PRPF38A: variants seen among roughly 807,000 people sequenced by gnomAD.
The protein encoded by PRPF38A is pre-mRNA-splicing factor 38A.
In PRPF38A, 11 loss-of-function variants were observed where a neutral mutation model predicts 46.8. The ratio of observed to expected loss-of-function variants is 0.24; its 90% CI spans 0.15 to 0.39. The LOEUF (loss-of-function observed/expected upper bound fraction) is 0.39, where lower values mean the gene tolerates loss of function less well. Ranked by LOEUF, PRPF38A falls within the 10% of genes least tolerant of loss-of-function variation. The probability of loss-of-function intolerance (pLI) is 1.00; values close to 1 mark genes in which losing one functional copy is unlikely to be tolerated. For synonymous variants in PRPF38A, 124 were observed against 136.2 expected (o/e 0.91, Z 0.62); for missense variants, 261 against 407.5 (o/e 0.64, Z 3.10).
At chr1:52,405,575 T>TA in intron 1 of PRPF38A, 105 bp from the exon 2 acceptor site, 2 of 990,748 alleles carry the variant, frequency 2.0e-6, no homozygotes, top group Non-Finnish European at 1.5e-6. Flanking sequence ...TCTCCTAATA[T>TA]TACACTGTTG....
rs193216255 is a variant in PRPF38A at position 52,418,949 on chromosome 1, C to T, written c.*2259C>T. The T allele has an allele frequency of 6.6e-6, 1 of 152,346 alleles. No individual in the cohort carries two copies. The highest frequency in any genetic ancestry group is 1.9e-4 in the East Asian group (1 of 5,192). The allele number at this position is 152,346 out of a possible 1,614,324, so 9.4% of individuals were successfully genotyped here. On this transcript the variant is annotated 3_prime_UTR_variant, in exon 10 of 10. Coordinates refer to ENST00000257181, the MANE Select transcript of PRPF38A (RefSeq NM_032864.4). The stretch of plus-strand genomic sequence containing the variant: ...TTAATATTGGATGAAACCACTTAAT[C>T]GATTTCACTTCCAATAATTTGAAAT...
At chr1:52,408,301 G>A (rs1030028629) in intron 2 of PRPF38A, 1 of 566,498 alleles carries the variant, frequency 1.8e-6, no homozygotes, top group African/African-American at 1.9e-5. Context: ...GAGGTAAATA[G>A]GTTTTATTCT....
intron 5 of PRPF38A, among the ~76,000 whole-genome samples, 161 bp downstream of exon 5, chr1:52,412,785 C>T (rs1224103258): frequency 6.6e-6 from 1 of 152,070 alleles, no homozygotes; most frequent in African/African-American, 2.4e-5. Context: ...GGATGACCAG[C>T]GGTCAGGAGT....
chr1:52,414,853 T>A lies in PRPF38A; in HGVS notation c.841T>A (p.Ser281Thr). 6.2e-7 allele frequency: 1 copy of A among 1,613,900 alleles called. No homozygotes were observed. The highest frequency in any genetic ancestry group is 8.5e-7 in the Non-Finnish European group (1 of 1,179,890). The change falls in exon 8 of 10, where the codon TCC becomes ACC. Residue 281 changes from serine to threonine, a missense_variant. Physicochemically the swap from Ser to Thr is moderately conservative, Grantham distance 58. This residue lies in a region of PRPF38A where 180 missense variants were observed against 221.0 expected (regional missense o/e 0.81). Coordinates refer to ENST00000257181, the MANE Select transcript of PRPF38A (RefSeq NM_032864.4). ...RDRRHRSRSKSPGHHRSHRHR... is the reference protein window; with the variant it reads ...RDRRHRSRSKTPGHHRSHRHR... ...TCGGCGGCACAGATCCCGTTCCAAG[T>A]CCCCAGGTAAAGCTTGTGGGCCTTT...
At position 52,412,592 on chromosome 1, in the gene PRPF38A, T is replaced by C. The variant is rs1433681099; in HGVS notation, c.577T>C (p.Ser193Pro). 6.2e-7 allele frequency: 1 copy of C among 1,613,216 alleles called. No homozygotes were observed. The highest frequency in any genetic ancestry group is 8.5e-7 in the Non-Finnish European group (1 of 1,179,486). ...ALEEDMDDVE[S>P]SEEEEEEDEK... ...GGAAGAGGACATGGATGATGTGGAG[T>C]CCAGTGAAGAGGAAGAAGAGGAGGA... Residue 193 changes from serine (S) to proline (P), a missense_variant, in exon 5 of 10, where the codon TCC becomes CCC. Ser to Pro is a moderately conservative substitution (Grantham distance 74). This residue lies in a region of PRPF38A where 180 missense variants were observed against 221.0 expected (regional missense o/e 0.81). Transcript: ENST00000257181.
intron 5 of PRPF38A, among the ~76,000 whole-genome samples, chr1:52,413,301 CTTGT>C (rs1648196024): frequency 6.6e-6 from 1 of 152,094 alleles, no homozygotes; most frequent in African/African-American, 2.4e-5. Context: ...AGGAATAAAC[CTTGT>C]TTAGGAGGGG....
intron 4 of PRPF38A, 84 bp from the exon 5 acceptor site, chr1:52,412,430 C>T: frequency 2.2e-6 from 2 of 901,366 alleles, no homozygotes; most frequent in Non-Finnish European, 3.4e-6. Context: ...GCTGTTGCTC[C>T]TTGGAACCCT....
At position 52,406,842 on chromosome 1, in the gene PRPF38A, GATTA is replaced by G. The variant is rs780345601; in HGVS notation, c.290+1011_290+1014del. ...ACAGGAGAGGAAACTGAGGCACAGA[GATTA>G]ATTAATTTTGCCCAAGTTCAAACAG... On this transcript the variant is annotated intron_variant, in intron 2 of 9. Coordinates refer to ENST00000257181, the MANE Select transcript of PRPF38A (RefSeq NM_032864.4). Among the ~76,000 whole-genome samples the G allele has an allele frequency of 5.9e-5, 9 of 152,276 alleles. No homozygotes were observed. In the East Asian group the frequency reaches 1.2e-3, roughly 20 times the overall value.
chr1:52,414,074 A>G, intron 6 of PRPF38A, 83 bp downstream of exon 6: 1 of 830,628 alleles, frequency 1.2e-6, no homozygotes, highest in Non-Finnish European at 2.0e-6. Context: ...GGAAAAATGC[A>G]CGTCTATGGA....
chr1:52,406,049 T>C (rs1647980205), intron 2 of PRPF38A, among the ~76,000 whole-genome samples: 1 of 152,146 alleles, frequency 6.6e-6, no homozygotes, highest in South Asian at 2.1e-4. Flanking sequence ...AGTGCAGTGG[T>C]GCGATCTCGG....
intron 2 of PRPF38A, among the ~76,000 whole-genome samples, chr1:52,406,439 GC>G (rs1648000146): frequency 6.6e-6 from 1 of 152,206 alleles, no homozygotes; most frequent in Non-Finnish European, 1.5e-5. Flanking sequence ...GGCACTGGAC[GC>G]TCAGGGGTGA....
intron 9 of PRPF38A, 91 bp downstream of exon 9, chr1:52,415,477 T>C (rs1648264178): frequency 9.2e-7 from 1 of 1,083,382 alleles, no homozygotes; most frequent in Non-Finnish European, 1.4e-6. Context: ...TGGGGGATGT[T>C]AGGAATTCTC....
chr1:52,416,813 C>A lies in PRPF38A; in HGVS notation c.*123C>A. The stretch of plus-strand genomic sequence containing the variant: ...TTTTAGTTTTTTTCTTATCAAGTTT[C>A]TCAACCTTTATTTTTAATGAAGGAG... On this transcript the variant is annotated 3_prime_UTR_variant, in exon 10 of 10. Coordinates refer to ENST00000257181, the MANE Select transcript of PRPF38A (RefSeq NM_032864.4). 1.3e-6 allele frequency: 1 copy of A among 753,104 alleles called. No individual in the cohort carries two copies. 46.7% of individuals were successfully genotyped at this position (753,104 alleles called of 1,614,324 possible). A position where few individuals can be genotyped will look rare whatever the true frequency, so the allele number is the denominator to read the frequency against.
chr1:52,404,872 A>G lies in PRPF38A; in HGVS notation c.123A>G (p.Gly41=), dbSNP rs200651968. 5 of 1,613,846 alleles carry G rather than the reference A, an allele frequency of 3.1e-6. No individual in the cohort carries two copies. The Admixed American group carries it at 5.0e-5, about 16-fold the overall frequency. Residue 41 remains glycine (G), a synonymous_variant, in exon 1 of 10, where the codon GGA becomes GGG. Coordinates refer to ENST00000257181, the MANE Select transcript of PRPF38A (RefSeq NM_032864.4). ...ESKYWKEECF[G]LTAELVVDKA... is the part of the protein sequence containing the mutation. ...AGTACTGGAAAGAGGAGTGCTTTGGACTTACAGGTAAGTGGAAGCGCGCGG... is the reference window on the plus strand; with the variant it reads ...AGTACTGGAAAGAGGAGTGCTTTGGGCTTACAGGTAAGTGGAAGCGCGCGG...
At chr1:52,415,820 G>A (rs923609214) in intron 9 of PRPF38A, among the ~76,000 whole-genome samples, 10 of 136,944 alleles carry the variant, frequency 7.3e-5, no homozygotes, top group African/African-American at 2.5e-4. Context: ...GCCATATACC[G>A]TTGGGTGCAC....
In PRPF38A at chr1:52,420,091, G is replaced by T. The variant is rs769763066; in HGVS notation, c.*3401G>T. ...AGGATGGTCTCAGATCTTATAACAA[G>T]AAGGCAATGAAGCAAAAGGCTCCAA... On this transcript the variant is annotated 3_prime_UTR_variant, in exon 10 of 10. Coordinates refer to ENST00000257181, the MANE Select transcript of PRPF38A (RefSeq NM_032864.4). The T allele has an allele frequency of 1.3e-5, 2 of 152,194 alleles. No homozygotes were observed. Among genetic ancestry groups the T allele is most frequent in the African/African-American group, 4.8e-5 (2 of 41,446 alleles). 9.4% of individuals were successfully genotyped at this position (152,194 alleles called of 1,614,324 possible). A position where few individuals can be genotyped will look rare whatever the true frequency, so the allele number is the denominator to read the frequency against.
chr1:52,404,822 A>G lies in PRPF38A; in HGVS notation c.73A>G (p.Ile25Val). The G allele has an allele frequency of 6.2e-7, 1 of 1,614,252 alleles. No homozygotes were observed. Among genetic ancestry groups the G allele is most frequent in the Non-Finnish European group, 8.5e-7 (1 of 1,180,036 alleles). Reference sequence around the variant, plus strand: ...CCCTCAATATCTGGTGGAGAAGATCATTCGAACGCGAATCTATGAGTCCAA... The same window carrying G: ...CCCTCAATATCTGGTGGAGAAGATCGTTCGAACGCGAATCTATGAGTCCAA... Reference protein sequence around the residue: ...TNPQYLVEKIIRTRIYESKYW... With the variant: ...TNPQYLVEKIVRTRIYESKYW... Residue 25 changes from isoleucine (I) to valine (V), a missense_variant, in exon 1 of 10, where the codon ATT (isoleucine) becomes GTT (valine). By Grantham distance (29) the Ile-to-Val change is conservative. Transcript: ENST00000257181.
At chr1:52,411,887 T>A (rs148833692) in intron 4 of PRPF38A, among the ~76,000 whole-genome samples, 1 of 152,352 alleles carries the variant, frequency 6.6e-6, no homozygotes, top group East Asian at 1.9e-4. Flanking sequence ...AATGTCTTGC[T>A]GTGTTGCCCA....
Position 52,415,043 on chromosome 1 carries a change from T to C in PRPF38A, c.847+184T>C, listed in dbSNP as rs997422634. ...TATAAGCTTTGCTGATAAGGTTTGC[T>C]TTAGTTTTTTCATCTAAAATTGGAG... On this transcript the variant is annotated intron_variant, in intron 8 of 9. Coordinates refer to ENST00000257181, the MANE Select transcript of PRPF38A (RefSeq NM_032864.4). 2.0e-5 allele frequency among the ~76,000 whole-genome samples: 3 copies of C among 152,180 alleles called. No individual in the cohort carries two copies. In the East Asian group the frequency reaches 5.8e-4, roughly 29 times the overall value.
Sources: gnomAD v4.1 joint callset for allele counts (sites outside exome capture counted in the v4.1 genomes callset) on GRCh38, gnomAD v4.1.1 for gene constraint, gnomAD v4.1.1 regional missense constraint, MANE v1.5 for transcripts, NCBI Gene and HGNC (gene_info 2026-07-23, HGNC 2026-07-21) for gene names.